CCDC40: variants seen among roughly 807,000 people sequenced by gnomAD.
The protein encoded by CCDC40 is coiled-coil domain 40 molecular ruler complex subunit, also known as coiled-coil domain-containing protein 40.
A neutral mutation model predicts 124.5 loss-of-function variants in CCDC40; 104 were observed. The ratio of observed to expected loss-of-function variants is 0.84; its 90% CI spans 0.71 to 0.98. The LOEUF (loss-of-function observed/expected upper bound fraction) is 0.98. Among genes scored for constraint, CCDC40 ranks in the 50% least tolerant of loss-of-function variants. The probability of loss-of-function intolerance (pLI) is 0.00; values close to 1 mark genes in which losing one functional copy is unlikely to be tolerated. For synonymous variants in CCDC40, 580 were observed against 602.9 expected (o/e 0.96, Z 0.56); for missense variants, 1,463 against 1,503.9 (o/e 0.97, Z 0.45).
Position 80,099,767 on chromosome 17 carries a change from C to G in CCDC40, c.3421C>G (p.Pro1141Ala), listed in dbSNP as rs1567820209. The change falls in exon 20 of 20, where the codon CCC becomes GCC. Residue 1141 changes from proline (P) to alanine (A), a missense_variant. Pro to Ala is a conservative substitution (Grantham distance 27). Transcript: ENST00000397545. ...MIANKLESPG[P>A]S is the part of the protein sequence containing the mutation. ...CGCCAACAAGCTCGAGTCACCAGGGCCCTCCTAGGGAGCAGCCTGGACTCC... is the reference window on the plus strand; with the variant it reads ...CGCCAACAAGCTCGAGTCACCAGGGGCCTCCTAGGGAGCAGCCTGGACTCC... 6.2e-7 allele frequency: 1 copy of G among 1,612,676 alleles called. No homozygotes were observed. Among genetic ancestry groups the G allele is most frequent in the East Asian group, 2.2e-5 (1 of 44,862 alleles).
At chr17:80,094,591 A>G (rs1424049662) in intron 17 of CCDC40, among the ~76,000 whole-genome samples, 2 of 152,154 alleles carry the variant, frequency 1.3e-5, no homozygotes, top group Non-Finnish European at 2.9e-5. Context: ...GCTACTCAGG[A>G]GGCTGAGGCA....
At chr17:80,085,038 G>A in intron 13 of CCDC40, 50 bp downstream of exon 13, 1 of 1,603,988 alleles carries the variant, frequency 6.2e-7, no homozygotes, top group Non-Finnish European at 8.5e-7. Flanking sequence ...GTGGTGCCTG[G>A]TGGGGCAGAG....
At position 80,095,283 on chromosome 17, in the gene CCDC40, G is replaced by A. The variant is rs768280461; in HGVS notation, c.2853G>A (p.Leu951=). The stretch of plus-strand genomic sequence containing the variant: ...CCCAGGTCAGGCTCGGGCAGCTGCT[G>A]AAGCAGCAGGAGAAGATGATCCGTG... The part of the protein sequence containing the change: ...HRMKVRLGQL[L]KQQEKMIRAM... The change falls in exon 18 of 20, where the codon CTG becomes CTA. Residue 951 remains leucine (L), a synonymous_variant. Coordinates refer to ENST00000397545, the MANE Select transcript of CCDC40 (RefSeq NM_017950.4). 9.3e-6 allele frequency: 15 copies of A among 1,613,826 alleles called. No individual in the cohort carries two copies. Among genetic ancestry groups the A allele is most frequent in the African/African-American group, 4.0e-5 (3 of 74,944 alleles).
intron 17 of CCDC40, chr17:80,090,940 G>A: frequency 4.0e-6 from 2 of 501,528 alleles, no homozygotes; most frequent in Non-Finnish European, 2.7e-6. Flanking sequence ...TGTATTTGCT[G>A]GAGCAAGACA....
intron 7 of CCDC40, among the ~76,000 whole-genome samples, chr17:80,055,794 CAACGT>C (rs2037719163): frequency 6.6e-6 from 1 of 151,496 alleles, no homozygotes; most frequent in Admixed American, 6.6e-5. Context: ...TCCGCAGAGG[CAACGT>C]AGATTCTTGT....
chr17:80,076,578 CAA>C (rs55997385), intron 10 of CCDC40, among the ~76,000 whole-genome samples: 13 of 120,884 alleles, frequency 1.1e-4, no homozygotes, highest in Admixed American at 1.7e-4. Context: ...GAGCCTGTCT[CAA>C]AAAAAAAAAA....
chr17:80,070,008 C>T (rs545556499), intron 10 of CCDC40, among the ~76,000 whole-genome samples: 111 of 152,292 alleles, frequency 7.3e-4, no homozygotes, highest in Non-Finnish European at 1.3e-3. Context: ...AGGCAACGAG[C>T]GGGTGATTTC....
intron 1 of CCDC40, among the ~76,000 whole-genome samples, chr17:80,037,688 A>AAAAAATATATATATATATATATAT: frequency 8.5e-4 from 39 of 45,678 alleles, no homozygotes; most frequent in African/African-American, 2.2e-3. Context: ...TTTTTTAAAA[A>AAAAAATATATATATATATATATAT]AGATATACAT....
intron 10 of CCDC40, among the ~76,000 whole-genome samples, chr17:80,080,972 G>A (rs187141557): frequency 5.8e-4 from 89 of 152,248 alleles, no homozygotes; most frequent in East Asian, 7.7e-4. Context: ...ATAGATGGCC[G>A]GTTCCCCTGA....
rs775239960 is a variant in CCDC40 at position 80,081,981 on chromosome 17, G to A, written c.1912G>A (p.Glu638Lys). The A allele has an allele frequency of 1.1e-5, 17 of 1,613,766 alleles. No homozygotes were observed. Among genetic ancestry groups the A allele is most frequent in the East Asian group, 4.5e-5 (2 of 44,756 alleles). Reference sequence around the variant, plus strand: ...TGCTGCCATCCGGGAGAAGCTGCAGGAGCACATGACCTCCAACAAGACCAC... The same window carrying A: ...TGCTGCCATCCGGGAGAAGCTGCAGAAGCACATGACCTCCAACAAGACCAC... The part of the protein sequence containing the change: ...TDAAIREKLQ[E>K]HMTSNKTTKY... The change falls in exon 12 of 20, where the codon GAG becomes AAG. Residue 638 changes from glutamate to lysine, a missense_variant. Transcript: ENST00000397545.
chr17:80,086,022 T>A lies in CCDC40; in HGVS notation c.2255T>A (p.Leu752Gln). The A allele has an allele frequency of 6.2e-7, 1 of 1,614,000 alleles. No homozygotes were observed. The highest frequency in any genetic ancestry group is 8.5e-7 in the Non-Finnish European group (1 of 1,180,012). ...SELGGEEVGP[L>Q]ELEIKRLSKL... ...GTCTAGGGGGAAGAAGTGGGGCCCC[T>A]GGAGCTTGAAATCAAAAGGCTGAGC... The change falls in exon 14 of 20, where the codon CTG (leucine) becomes CAG (glutamine). Residue 752 changes from leucine to glutamine, a missense_variant. Physicochemically the swap from Leu to Gln is moderately radical, Grantham distance 113. Coordinates refer to ENST00000397545, the MANE Select transcript of CCDC40 (RefSeq NM_017950.4). This position sits in a 1 kb window ranked among gnomAD's most constrained non-coding sequence, Gnocchi z 5.5.
In CCDC40 at chr17:80,083,297, G is replaced by A. The variant is rs532248785; in HGVS notation, c.1989+1239G>A. ...GAGGAGGAGGCTGCGAGCTGACATT[G>A]CCACACAACTCCAGATGCCGGAAGC... On this transcript the variant is annotated intron_variant, in intron 12 of 19. Transcript: ENST00000397545. Among the ~76,000 whole-genome samples, 5 of 152,314 alleles carry A rather than the reference G, an allele frequency of 3.3e-5. No homozygotes were observed. The East Asian group carries it at 9.7e-4, about 29-fold the overall frequency.
At position 80,040,076 on chromosome 17, in the gene CCDC40, C is replaced by T. The variant is rs1185093632; in HGVS notation, c.358C>T (p.Pro120Ser). ...TACGACTTACCCGTATTTCAGTCCT[C>T]CTCAGGAACTGCCTGGAGAGGAGGC... ...ADTTYPYFSP[P>S]QELPGEEAYD... is the part of the protein sequence containing the mutation. Residue 120 changes from proline to serine, a missense_variant, in exon 3 of 20, where the codon CCT becomes TCT. By Grantham distance (74) the Pro-to-Ser change is moderately conservative. Coordinates refer to ENST00000397545, the MANE Select transcript of CCDC40 (RefSeq NM_017950.4). 8 of 1,614,112 alleles carry T rather than the reference C, an allele frequency of 5.0e-6. No homozygotes were observed. In the Admixed American group the frequency reaches 1.2e-4, roughly 24 times the overall value.
At chr17:80,046,779 C>A (rs1394531046) in intron 3 of CCDC40, among the ~76,000 whole-genome samples, 1 of 152,106 alleles carries the variant, frequency 6.6e-6, no homozygotes, top group African/African-American at 2.4e-5. Context: ...AAACCAGCCC[C>A]CTTTAGGGAA....
intron 7 of CCDC40, among the ~76,000 whole-genome samples, chr17:80,057,741 TG>T (rs749388928): frequency 2.7e-4 from 41 of 152,008 alleles, no homozygotes; most frequent in Non-Finnish European, 5.0e-4. Flanking sequence ...CCGGGCGTGG[TG>T]GCGGGCGCCT....
chr17:80,081,900 T>G lies in CCDC40; in HGVS notation c.1831T>G (p.Leu611Val). ...QLEQMILTEELQAIRQAIQGE... is the reference protein window; with the variant it reads ...QLEQMILTEEVQAIRQAIQGE... ...GGAACAAATGATACTCACGGAGGAG[T>G]TGCAGGCCATCCGCCAAGCCATCCA... Residue 611 changes from leucine (L) to valine (V), a missense_variant, in exon 12 of 20, where the codon TTG (leucine) becomes GTG (valine). Leu to Val is a conservative substitution (Grantham distance 32). Transcript: ENST00000397545. The G allele has an allele frequency of 6.2e-7, 1 of 1,613,806 alleles. No individual in the cohort carries two copies. The highest frequency in any genetic ancestry group is 8.5e-7 in the Non-Finnish European group (1 of 1,179,964).
At position 80,086,180 on chromosome 17, in the gene CCDC40, C is replaced by T. The variant is rs971052663; in HGVS notation, c.2413C>T (p.Leu805Phe). 2.5e-6 allele frequency: 4 copies of T among 1,613,260 alleles called. No homozygotes were observed. The highest frequency in any genetic ancestry group is 2.2e-5 in the East Asian group (1 of 44,844). Residue 805 changes from leucine (L) to phenylalanine (F), a missense_variant, in exon 14 of 20, where the codon CTC becomes TTC. Transcript: ENST00000397545. This position sits in a 1 kb window ranked among gnomAD's most constrained non-coding sequence, Gnocchi z 5.5. The part of the protein sequence containing the change: ...LASLDASKKE[L>F]HIMEQKKLRV... ...CTCCCTGGACGCATCCAAGAAGGAG[C>T]TCCACATCATGGAGCAGAAGAAACT...
At position 80,095,343 on chromosome 17, in the gene CCDC40, C is replaced by T. The variant is rs768472500; in HGVS notation, c.2913C>T (p.Val971=). Residue 971 remains valine (V), a synonymous_variant, in exon 18 of 20, where the codon GTC becomes GTT. Transcript: ENST00000397545. ...TGGCGGTTGCCCGCAGAGAGACCGT[C>T]ACCACCCAGGCCGAGGGGCAGCGCA... The part of the protein sequence containing the change: ...MELAVARRET[V]TTQAEGQRKM... 2 of 1,614,122 alleles carry T rather than the reference C, an allele frequency of 1.2e-6. No individual in the cohort carries two copies. Among genetic ancestry groups the T allele is most frequent in the Admixed American group, 3.3e-5 (2 of 60,034 alleles).
At chr17:80,059,732 G>A (rs1003141971) in intron 9 of CCDC40, among the ~76,000 whole-genome samples, 9 of 151,910 alleles carry the variant, frequency 5.9e-5, no homozygotes, top group Non-Finnish European at 1.2e-4. Flanking sequence ...GCTAATTTTT[G>A]TATTTTTAGT....
Sources: allele counts gnomAD v4.1 joint callset (sites outside exome capture counted in the v4.1 genomes callset), GRCh38; gene constraint gnomAD v4.1.1; non-coding constraint Gnocchi (gnomAD v3.1); transcripts MANE v1.5; gene names NCBI Gene and HGNC (gene_info 2026-07-23, HGNC 2026-07-21).